Variants in MACROD2 observed in about 807,000 individuals in gnomAD.
MACROD2 encodes ADP-ribose glycohydrolase MACROD2.
In MACROD2, 36 loss-of-function variants were observed where a neutral mutation model predicts 70.4. The ratio of observed to expected loss-of-function variants is 0.51; its 90% CI spans 0.39 to 0.68. The LOEUF (loss-of-function observed/expected upper bound fraction) is 0.68. Ranked by LOEUF, MACROD2 falls within the 30% of genes least tolerant of loss-of-function variation. The pLI is 0.00. For missense variants in MACROD2, 496 were observed against 538.4 expected, an observed-to-expected ratio of 0.92 and a Z score of 0.78; for synonymous variants, 172 against 178.8, an observed-to-expected ratio of 0.96 and a Z score of 0.30.
intron 3 of MACROD2, among the ~76,000 whole-genome samples, chr20:14,188,702 A>G (rs902454708): frequency 2.0e-5 from 3 of 152,102 alleles, no homozygotes; most frequent in Admixed American, 2.0e-4. Context: ...ATTTGCCTTA[A>G]ATTTTTTTTA....
intron 3 of MACROD2, among the ~76,000 whole-genome samples, chr20:14,397,833 T>C (rs1412844284): frequency 2.6e-5 from 4 of 152,204 alleles, no homozygotes; most frequent in East Asian, 3.8e-4. Flanking sequence ...CTAGAACTTA[T>C]TCTTTTCTAG....
At chr20:15,640,086 AAGG>A (rs1340948113) in intron 8 of MACROD2, among the ~76,000 whole-genome samples, 2 of 151,874 alleles carry the variant, frequency 1.3e-5, no homozygotes, top group African/African-American at 4.8e-5. Flanking sequence ...TGAGAGAAAA[AAGG>A]AGATAAAAGG....
chr20:15,949,812 G>A (rs879766013), intron 12 of MACROD2, among the ~76,000 whole-genome samples: 9 of 152,020 alleles, frequency 5.9e-5, no homozygotes, highest in Non-Finnish European at 8.8e-5. Flanking sequence ...AGAGTGATTC[G>A]CACTCTACTC....
intron 3 of MACROD2, among the ~76,000 whole-genome samples, chr20:14,267,452 G>C (rs1601416079): frequency 2.6e-5 from 4 of 151,940 alleles, no homozygotes; most frequent in Admixed American, 2.6e-4. Flanking sequence ...GAGTTACTTT[G>C]GTCAGTTAAA....
At chr20:14,082,483 C>A (rs774137388) in intron 2 of MACROD2, among the ~76,000 whole-genome samples, 1 of 151,616 alleles carries the variant, frequency 6.6e-6, no homozygotes, top group African/African-American at 2.4e-5. Flanking sequence ...TGAGCCACCG[C>A]GCCTGGCCCT....
chr20:14,493,130 CTAAA>C (rs1244292643), intron 3 of MACROD2, among the ~76,000 whole-genome samples: 2 of 151,822 alleles, frequency 1.3e-5, no homozygotes, highest in African/African-American at 4.8e-5. Context: ...TTGAAATTGA[CTAAA>C]TAATATTGTT....
intron 4 of MACROD2, among the ~76,000 whole-genome samples, chr20:14,681,610 G>A (rs1199064671): frequency 6.6e-6 from 1 of 152,068 alleles, no homozygotes; most frequent in African/African-American, 2.4e-5. Context: ...AATGGAAAGG[G>A]CACAAGGTAG....
intron 5 of MACROD2, among the ~76,000 whole-genome samples, chr20:14,714,052 G>A (rs1398666003): frequency 6.6e-6 from 1 of 152,078 alleles, no homozygotes; most frequent in African/African-American, 2.4e-5. Context: ...AAACTACTTT[G>A]GACAAAGTGG....
At chr20:14,532,327 C>T (rs1453455441) in intron 4 of MACROD2, among the ~76,000 whole-genome samples, 1 of 151,100 alleles carries the variant, frequency 6.6e-6, no homozygotes, top group Non-Finnish European at 1.5e-5. Flanking sequence ...CAGCCATTCT[C>T]CTGCCTCAGC....
At chr20:14,466,565 C>T (rs1378595969) in intron 3 of MACROD2, among the ~76,000 whole-genome samples, 1 of 152,050 alleles carries the variant, frequency 6.6e-6, no homozygotes, top group Non-Finnish European at 1.5e-5. Flanking sequence ...AGCTTTGTTC[C>T]ATTGCTGGTG....
rs1600556681 is a variant in MACROD2 at position 15,539,027 on chromosome 20, A to G, written c.645+39180A>G. On this transcript the variant is annotated intron_variant, in intron 8 of 17. Coordinates refer to ENST00000684519, the MANE Select transcript of MACROD2 (RefSeq NM_001351661.2). ...ATAAATATATATGAACTATATAAAAATATACTTTAGTCACTTAAAACACAT... is the reference window on the plus strand; with the variant it reads ...ATAAATATATATGAACTATATAAAAGTATACTTTAGTCACTTAAAACACAT... Among the ~76,000 whole-genome samples the G allele has an allele frequency of 2.0e-5, 3 of 152,154 alleles. No individual in the cohort carries two copies. In the East Asian group the frequency reaches 5.8e-4, roughly 29 times the overall value.
intron 5 of MACROD2, among the ~76,000 whole-genome samples, chr20:15,140,934 C>T (rs1482390769): frequency 1.3e-5 from 2 of 152,212 alleles, no homozygotes; most frequent in African/African-American, 4.8e-5. Flanking sequence ...GCAGTATGCA[C>T]CATACTGACC....
chr20:15,543,342 A>G (rs1304120217), intron 8 of MACROD2, among the ~76,000 whole-genome samples: 2 of 152,218 alleles, frequency 1.3e-5, no homozygotes, highest in African/African-American at 4.8e-5. Flanking sequence ...TATTAAGGAT[A>G]CAGTTGTATA....
At chr20:14,784,240 T>C (rs2072336558) in intron 5 of MACROD2, among the ~76,000 whole-genome samples, 1 of 152,134 alleles carries the variant, frequency 6.6e-6, no homozygotes, top group African/African-American at 2.4e-5. Context: ...CTGTTTTTGC[T>C]GTCTTCTAGC....
At chr20:15,547,774 C>A (rs529609241) in intron 8 of MACROD2, among the ~76,000 whole-genome samples, 1 of 152,128 alleles carries the variant, frequency 6.6e-6, no homozygotes, top group Non-Finnish European at 1.5e-5. Flanking sequence ...GTAGCAGGAC[C>A]GAGCAGCTGG....
rs914074622 is a variant in MACROD2, at chr20:15,359,919, T to C, written c.541-71486T>C. On this transcript the variant is annotated intron_variant, in intron 6 of 17. Coordinates refer to ENST00000684519, the MANE Select transcript of MACROD2 (RefSeq NM_001351661.2). ...CGTGTCCTTTGATCACATGGGTAGA[T>C]TCCTGTAACCACTACTAAACAGACA... 2.0e-5 allele frequency among the ~76,000 whole-genome samples: 3 copies of C among 152,138 alleles called. No individual in the cohort carries two copies. The South Asian group carries it at 6.2e-4, about 32-fold the overall frequency.
chr20:15,708,922 AG>A (rs1157848521), intron 8 of MACROD2, among the ~76,000 whole-genome samples: 5 of 152,152 alleles, frequency 3.3e-5, no homozygotes, highest in Non-Finnish European at 7.3e-5. Context: ...GCAACTCAGG[AG>A]GCTAAGATGG....
At chr20:15,898,894 C>CTA (rs141424341) in intron 10 of MACROD2, among the ~76,000 whole-genome samples, 22 of 150,260 alleles carry the variant, frequency 1.5e-4, no homozygotes, top group African/African-American at 2.2e-4. Flanking sequence ...CACATACCTA[C>CTA]TATATATATA....
chr20:15,884,674 A>C (rs1224434157), intron 9 of MACROD2, among the ~76,000 whole-genome samples: 1 of 152,118 alleles, frequency 6.6e-6, no homozygotes, highest in Non-Finnish European at 1.5e-5. Flanking sequence ...TTTGTACTGC[A>C]ATAATGTGAG....
Sources: allele counts gnomAD v4.1 joint callset (sites outside exome capture counted in the v4.1 genomes callset), GRCh38; gene constraint gnomAD v4.1.1; transcripts MANE v1.5; gene names NCBI Gene and HGNC (gene_info 2026-07-23, HGNC 2026-07-21).